SMYD3: variants seen among roughly 807,000 people sequenced by gnomAD.
SMYD3 encodes histone-lysine N-methyltransferase SMYD3.
Under a neutral mutation model 57.7 loss-of-function variants are expected in SMYD3, and 36 were observed. The observed-to-expected ratio is 0.62, with a 90% CI of 0.48 to 0.82. The LOEUF (loss-of-function observed/expected upper bound fraction) is 0.82, where lower values mean the gene tolerates loss of function less well. Among genes scored for constraint, SMYD3 ranks in the 40% least tolerant of loss-of-function variants. The pLI, the probability that SMYD3 is intolerant of heterozygous loss-of-function variation, is 0.00. For missense variants in SMYD3, 515 were observed against 538.8 expected (o/e 0.96, Z 0.44); for synonymous variants, 211 against 195.0 (o/e 1.08, Z -0.68).
chr1:246,419,584 C>A (rs2067112073), intron 1 of SMYD3, among the ~76,000 whole-genome samples: 1 of 152,182 alleles, frequency 6.6e-6, no homozygotes, highest in South Asian at 2.1e-4. Flanking sequence ...AGCCAGGGAC[C>A]ATGCCCTCCT....
At chr1:245,892,102 C>G (rs73142745) in intron 8 of SMYD3, among the ~76,000 whole-genome samples, 14,851 of 152,026 alleles carry the variant, frequency 0.098, 1,558 homozygotes, top group African/African-American at 0.27. Context: ...CCAAACCAAA[C>G]AAGAGGCACT....
intron 5 of SMYD3, among the ~76,000 whole-genome samples, chr1:246,276,250 G>GTTTGAATAC (rs1431814675): frequency 8.3e-6 from 1 of 120,108 alleles, no homozygotes; most frequent in Non-Finnish European, 1.7e-5. Flanking sequence ...TGATGCCCAT[G>GTTTGAATAC]TTTGAATACT....
intron 5 of SMYD3, among the ~76,000 whole-genome samples, chr1:246,047,901 C>G (rs565212664): frequency 1.3e-5 from 2 of 151,880 alleles, no homozygotes; most frequent in Non-Finnish European, 2.9e-5. Flanking sequence ...AAGATACCCA[C>G]GACAGGAAAC....
chr1:246,171,291 T>G (rs2062327900), intron 5 of SMYD3, among the ~76,000 whole-genome samples: 1 of 152,230 alleles, frequency 6.6e-6, no homozygotes, highest in South Asian at 2.1e-4. Flanking sequence ...TAAATTATTT[T>G]TATATGACAT....
At chr1:246,256,041 C>T (rs551545279) in intron 5 of SMYD3, among the ~76,000 whole-genome samples, 8 of 151,712 alleles carry the variant, frequency 5.3e-5, no homozygotes, top group East Asian at 1.9e-4. Context: ...TAGATATAAA[C>T]GGGAGTTTGT....
At chr1:246,226,243 T>C (rs10924570) in intron 5 of SMYD3, among the ~76,000 whole-genome samples, 29,447 of 152,194 alleles carry the variant, frequency 0.19, 3,171 homozygotes, top group East Asian at 0.34. Context: ...TTCATACTGA[T>C]ACCGAATTTC....
chr1:246,248,229 T>C (rs1258500851), intron 5 of SMYD3, among the ~76,000 whole-genome samples: 1 of 152,180 alleles, frequency 6.6e-6, no homozygotes, highest in Non-Finnish European at 1.5e-5. Context: ...GATGTAACGA[T>C]TCTGCCCAGA....
At chr1:245,960,912 G>C (rs2057988329) in intron 5 of SMYD3, among the ~76,000 whole-genome samples, 1 of 152,046 alleles carries the variant, frequency 6.6e-6, no homozygotes, top group East Asian at 1.9e-4. Context: ...AACTCCCTCG[G>C]GACCTATTCC....
chr1:245,977,537 G>A (rs1370599448), intron 5 of SMYD3, among the ~76,000 whole-genome samples: 1 of 152,152 alleles, frequency 6.6e-6, no homozygotes, highest in African/African-American at 2.4e-5. Context: ...AAATTAGCCA[G>A]GTGTGGTGGT....
intron 10 of SMYD3, among the ~76,000 whole-genome samples, chr1:245,776,170 T>G (rs1184631932): frequency 6.6e-6 from 1 of 152,194 alleles, no homozygotes; most frequent in Non-Finnish European, 1.5e-5. Context: ...CTTCACAATA[T>G]GTGATTTATT....
At chr1:246,125,143 G>T (rs1197944673) in intron 5 of SMYD3, among the ~76,000 whole-genome samples, 1 of 151,314 alleles carries the variant, frequency 6.6e-6, no homozygotes, top group Non-Finnish European at 1.5e-5. Context: ...ATGTCTCAAT[G>T]ATTACGGAAC....
intron 5 of SMYD3, among the ~76,000 whole-genome samples, chr1:246,246,072 G>C (rs1028571835): frequency 2.6e-5 from 4 of 152,124 alleles, no homozygotes; most frequent in African/African-American, 4.8e-5. Flanking sequence ...TGTAGGTTTT[G>C]AGAAAGATTA....
chr1:246,064,761 C>G (rs1273510245), intron 5 of SMYD3, among the ~76,000 whole-genome samples: 1 of 152,242 alleles, frequency 6.6e-6, no homozygotes, highest in Non-Finnish European at 1.5e-5. Flanking sequence ...TCAGCTCCAT[C>G]CCCCGGCCTT....
chr1:246,069,163 T>G (rs1323715314), intron 5 of SMYD3, among the ~76,000 whole-genome samples: 2 of 152,194 alleles, frequency 1.3e-5, no homozygotes, highest in African/African-American at 2.4e-5. Context: ...GCTTCTGGAC[T>G]CTGTATTCTT....
At chr1:245,813,177 G>T (rs2048592394) in intron 10 of SMYD3, among the ~76,000 whole-genome samples, 2 of 151,900 alleles carry the variant, frequency 1.3e-5, no homozygotes, top group Admixed American at 1.3e-4. Context: ...ACCACGCCCG[G>T]CTAATTTTTG....
intron 1 of SMYD3, among the ~76,000 whole-genome samples, chr1:246,399,150 T>G (rs10924719): frequency 0.45 from 67,459 of 151,516 alleles, 15,552 homozygotes; most frequent in Admixed American, 0.54. Flanking sequence ...GCCTCACAAG[T>G]AGCTGGGACT....
intron 8 of SMYD3, among the ~76,000 whole-genome samples, chr1:245,884,919 C>T (rs1465564496): frequency 1.3e-5 from 2 of 152,052 alleles, no homozygotes; most frequent in Non-Finnish European, 2.9e-5. Context: ...GCAACCCACT[C>T]GGGTCCCCTT....
chr1:246,091,479 T>C (rs992058824), intron 5 of SMYD3, among the ~76,000 whole-genome samples: 3 of 137,974 alleles, frequency 2.2e-5, no homozygotes, highest in African/African-American at 7.6e-5. Flanking sequence ...CTTCTGCCTA[T>C]TAAACCTCAG....
intron 10 of SMYD3, among the ~76,000 whole-genome samples, chr1:245,829,004 G>GT (rs1444806548): frequency 6.6e-6 from 1 of 150,672 alleles, no homozygotes; most frequent in African/African-American, 2.4e-5. Context: ...CGCCCGGCCA[G>GT]TTTTTCTGAT....
Sources: gnomAD v4.1 joint callset for allele counts (sites outside exome capture counted in the v4.1 genomes callset) on GRCh38, gnomAD v4.1.1 for gene constraint, MANE v1.5 for transcripts, NCBI Gene and HGNC (gene_info 2026-07-23, HGNC 2026-07-21) for gene names.